Variants in TOX3 observed in about 807,000 individuals in gnomAD.
The protein encoded by TOX3 is TOX high mobility group box family member 3.
A neutral mutation model predicts 64.3 loss-of-function variants in TOX3; 22 were observed. The ratio of observed to expected loss-of-function variants is 0.34; its 90% CI spans 0.24 to 0.49. The LOEUF is 0.49. Ranked by LOEUF, TOX3 falls within the 20% of genes least tolerant of loss-of-function variation. The pLI, the probability that TOX3 is intolerant of heterozygous loss-of-function variation, is 0.99. For synonymous variants in TOX3, 291 were observed against 273.6 expected, an observed-to-expected ratio of 1.06 and a Z score of -0.63; for missense variants, 661 against 714.4, an observed-to-expected ratio of 0.93 and a Z score of 0.85.
chr16:52,453,180 T>C (rs575410853), intron 3 of TOX3, among the ~76,000 whole-genome samples: 6 of 130,998 alleles, frequency 4.6e-5, no homozygotes, highest in Non-Finnish European at 6.3e-5. Flanking sequence ...TATATGTCTT[T>C]CAGAATGCTT....
In TOX3 at chr16:52,439,513, ATGC is replaced by A. The variant is rs1306128442; in HGVS notation, c.1440_1442del (p.Gln480del). The A allele has an allele frequency of 3.5e-6, 5 of 1,416,400 alleles. No individual in the cohort carries two copies. The highest frequency in any genetic ancestry group is 2.0e-6 in the Non-Finnish European group (2 of 1,024,290). The allele number at this position is 1,416,400 out of a possible 1,614,324, so 87.7% of individuals were successfully genotyped here. On this transcript the variant is annotated inframe_deletion, in exon 7 of 7. Coordinates refer to ENST00000219746, the MANE Select transcript of TOX3 (RefSeq NM_001080430.4). The stretch of plus-strand genomic sequence containing the variant: ...GGTGCTGCTGCATGTGGTGCTGGAA[ATGC>A]TGCTGCTGCATCTGCTGCTGGATTT...
chr16:52,439,246 T>A lies in TOX3; in HGVS notation c.1710A>T (p.Leu570Phe), dbSNP rs753536775. 3 of 1,613,972 alleles carry A rather than the reference T, an allele frequency of 1.9e-6. No individual in the cohort carries two copies. The highest frequency in any genetic ancestry group is 1.7e-6 in the Non-Finnish European group (2 of 1,179,876). Residue 570 changes from leucine (L) to phenylalanine (F), a missense_variant, in exon 7 of 7, where the codon TTA (leucine) becomes TTT (phenylalanine). Physicochemically the swap from Leu to Phe is conservative, Grantham distance 22. Transcript: ENST00000219746. ...GTCTTCAGAAAATACTGACCTGCGATAATACTTGAGTCTGTGTCTGAGACT... is the reference window on the plus strand; with the variant it reads ...GTCTTCAGAAAATACTGACCTGCGAAAATACTTGAGTCTGTGTCTGAGACT... ...QIQSQTQTQV[L>F]SQVSIF
chr16:52,466,818 G>T (rs1960880694), intron 2 of TOX3, among the ~76,000 whole-genome samples: 1 of 151,864 alleles, frequency 6.6e-6, no homozygotes, highest in African/African-American at 2.4e-5. Context: ...ACCTTTAAAG[G>T]CAGGTAATAT....
At chr16:52,529,772 T>G (rs1035074594) in intron 1 of TOX3, among the ~76,000 whole-genome samples, 1 of 152,192 alleles carries the variant, frequency 6.6e-6, no homozygotes, top group Non-Finnish European at 1.5e-5. Flanking sequence ...CCTAAGAAGA[T>G]TCTCTGTAAA....
chr16:52,525,828 T>C (rs930874662), intron 1 of TOX3, among the ~76,000 whole-genome samples: 2 of 152,168 alleles, frequency 1.3e-5, no homozygotes, highest in African/African-American at 2.4e-5. Flanking sequence ...GGAAAACGAT[T>C]AGGAAAAAAA....
rs774127935 is a variant in TOX3, at chr16:52,439,878, T to A, written c.1078A>T (p.Thr360Ser). Reference protein sequence around the residue: ...TNLTSSLLLNTPLSQHGTVSA... With the variant: ...TNLTSSLLLNSPLSQHGTVSA... The stretch of plus-strand genomic sequence containing the variant: ...ACTGTTCCATGTTGAGACAGTGGAG[T>A]GTTGAGAAGGAGAGAGGATGTTAGA... The change falls in exon 7 of 7, where the codon ACT becomes TCT. Residue 360 changes from threonine to serine, a missense_variant. Physicochemically the swap from Thr to Ser is moderately conservative, Grantham distance 58 (BLOSUM62 1). This residue lies in a region of TOX3 where 299 missense variants were observed against 292.1 expected (regional missense o/e 1.02). Transcript: ENST00000219746. 6.2e-7 allele frequency: 1 copy of A among 1,613,330 alleles called. No homozygotes were observed. The highest frequency in any genetic ancestry group is 8.5e-7 in the Non-Finnish European group (1 of 1,179,718).
chr16:52,536,858 T>C (rs950895353), intron 1 of TOX3, among the ~76,000 whole-genome samples: 1 of 151,078 alleles, frequency 6.6e-6, no homozygotes, highest in Non-Finnish European at 1.5e-5. Flanking sequence ...TGTGTGTGTG[T>C]GTGTACATAT....
intron 1 of TOX3, among the ~76,000 whole-genome samples, chr16:52,481,822 A>G (rs1389752544): frequency 6.6e-6 from 1 of 152,206 alleles, no homozygotes; most frequent in Non-Finnish European, 1.5e-5. Context: ...ACTTTTTACC[A>G]GATGGGTGAT....
intron 1 of TOX3, among the ~76,000 whole-genome samples, chr16:52,492,477 TTATATATATAATATATGA>T (rs1961715642): frequency 8.3e-6 from 1 of 119,940 alleles, no homozygotes; most frequent in African/African-American, 3.3e-5. Context: ...GATGACCAAT[TTATATATATAATATATGA>T]TATATATATA....
intron 1 of TOX3, among the ~76,000 whole-genome samples, chr16:52,514,778 A>G (rs1962402098): frequency 6.6e-6 from 1 of 152,074 alleles, no homozygotes; most frequent in South Asian, 2.1e-4. Flanking sequence ...TTGGGAGGCC[A>G]AGGCGGGTGG....
At chr16:52,511,904 G>C (rs763353112) in intron 1 of TOX3, among the ~76,000 whole-genome samples, 11 of 152,158 alleles carry the variant, frequency 7.2e-5, no homozygotes, top group Non-Finnish European at 1.3e-4. Flanking sequence ...AAGCAGTATG[G>C]GAAATGCCTA....
At chr16:52,539,492 T>G (rs1424390145) in intron 1 of TOX3, among the ~76,000 whole-genome samples, 1 of 152,254 alleles carries the variant, frequency 6.6e-6, no homozygotes, top group Non-Finnish European at 1.5e-5. Flanking sequence ...CCAAATTCTC[T>G]GTTTCACATG....
At chr16:52,529,850 AT>A (rs1178430920) in intron 1 of TOX3, among the ~76,000 whole-genome samples, 2 of 152,240 alleles carry the variant, frequency 1.3e-5, no homozygotes, top group Non-Finnish European at 2.9e-5. Context: ...TTTAAAAAAA[AT>A]GATGTTCACG....
At chr16:52,477,954 A>G (rs1961265154) in intron 1 of TOX3, among the ~76,000 whole-genome samples, 1 of 152,026 alleles carries the variant, frequency 6.6e-6, no homozygotes, top group African/African-American at 2.4e-5. Context: ...CCTCCCACTT[A>G]AGTCTCCCAA....
chr16:52,481,155 C>A (rs1435869879), intron 1 of TOX3, among the ~76,000 whole-genome samples: 1 of 152,202 alleles, frequency 6.6e-6, no homozygotes, highest in Admixed American at 6.5e-5. Context: ...TCTACACTAT[C>A]CAAATACAAT....
chr16:52,502,702 C>T (rs772856240), intron 1 of TOX3, among the ~76,000 whole-genome samples: 3 of 152,072 alleles, frequency 2.0e-5, no homozygotes, highest in Non-Finnish European at 2.9e-5. Flanking sequence ...ATTTTTGACA[C>T]CAACATAAGA....
At position 52,537,406 on chromosome 16, in the gene TOX3, G is replaced by A. The variant is rs576944972; in HGVS notation, c.87+9231C>T. On this transcript the variant is annotated intron_variant, in intron 1 of 6. Coordinates refer to ENST00000219746, the MANE Select transcript of TOX3 (RefSeq NM_001080430.4). ...CAATCTCAGCCTCAACAAGAAGGGC[G>A]TTCCTAATATAAACAATATTTATGA... Among the ~76,000 whole-genome samples, 15 of 152,248 alleles carry A rather than the reference G, an allele frequency of 9.9e-5. No individual in the cohort carries two copies. In the East Asian group the frequency reaches 1.2e-3, roughly 12 times the overall value.
intron 1 of TOX3, among the ~76,000 whole-genome samples, chr16:52,518,001 C>T (rs1487392685): frequency 2.0e-5 from 3 of 152,032 alleles, no homozygotes; most frequent in Non-Finnish European, 4.4e-5. Flanking sequence ...ATACTAAATA[C>T]ATGTAACACT....
rs552173538 is a variant in TOX3, at chr16:52,439,650, C to A, written c.1306G>T (p.Val436Leu). Residue 436 changes from valine (V) to leucine (L), a missense_variant, in exon 7 of 7, where the codon GTG becomes TTG. Around this residue, in one of 3 missense-constraint regions of TOX3, gnomAD observed 299 missense variants for 292.1 expected, o/e 1.02. Coordinates refer to ENST00000219746, the MANE Select transcript of TOX3 (RefSeq NM_001080430.4). ...TGCATCTGATGCTGCTGGGTTTGCA[C>A]CGAAGGACTCACTTGGGTGGAGGGT... ...SAPSTQVSPS[V>L]QTQQHQMQLQ... is the part of the protein sequence containing the mutation. 4.3e-6 allele frequency: 7 copies of A among 1,613,816 alleles called. No homozygotes were observed. The highest frequency in any genetic ancestry group is 5.9e-6 in the Non-Finnish European group (7 of 1,179,756).
Sources: gnomAD v4.1 joint callset for allele counts (sites outside exome capture counted in the v4.1 genomes callset) on GRCh38, gnomAD v4.1.1 for gene constraint, gnomAD v4.1.1 regional missense constraint, MANE v1.5 for transcripts, NCBI Gene and HGNC (gene_info 2026-07-23, HGNC 2026-07-21) for gene names.